The following AANAT variants were observed in gnomAD, a reference collection of about 807,000 sequenced individuals.
AANAT encodes aralkylamine N-acetyltransferase.
Under a neutral mutation model 15.6 loss-of-function variants are expected in AANAT, and 11 were observed. That is an observed-to-expected ratio of 0.71 (90% CI 0.44 to 1.17). AANAT has a LOEUF of 1.17. Among genes scored for constraint, AANAT ranks in the 50% most tolerant of loss-of-function variants. AANAT has a pLI of 0.00. For missense variants in AANAT, 286 were observed against 296.3 expected, an observed-to-expected ratio of 0.97 and a Z score of 0.26; for synonymous variants, 139 against 131.5, an observed-to-expected ratio of 1.06 and a Z score of -0.39.
In AANAT at chr17:76,469,102, C is replaced by T. The variant is rs2143981761; in HGVS notation, c.164-71C>T. 1.9e-6 allele frequency: 3 copies of T among 1,593,782 alleles called. No individual in the cohort carries two copies. Among genetic ancestry groups the T allele is most frequent in the East Asian group, 2.2e-5 (1 of 44,700 alleles). Reference sequence around the variant, plus strand: ...GGGGAACGGGGCATCTGAGTGGACACTCGGGGTGCAGCAGACAGTGGACGC... The same window carrying T: ...GGGGAACGGGGCATCTGAGTGGACATTCGGGGTGCAGCAGACAGTGGACGC... On this transcript the variant is annotated intron_variant, in intron 2 of 3. Transcript: ENST00000392492. The surrounding 1 kb of genome is among the most constrained non-coding windows in gnomAD (Gnocchi z 5.2).
rs115768580 is a variant in AANAT at position 76,462,093 on chromosome 17, G to C, written c.-455-223G>C. Among the ~76,000 whole-genome samples, 1,233 of 152,200 alleles carry C rather than the reference G, an allele frequency of 8.1e-3. 20 individuals carry two copies. The highest frequency in any genetic ancestry group is 0.029 in the African/African-American group (1,188 of 41,510). ...AGTATATACTGCACCTCCTCTTCTTGCACTGGGCCAGTAACTAGGGCTAAA... is the reference window on the plus strand; with the variant it reads ...AGTATATACTGCACCTCCTCTTCTTCCACTGGGCCAGTAACTAGGGCTAAA... On this transcript the variant is annotated intron_variant, in intron 2 of 6. Transcript: ENST00000250615.
chr17:76,461,256 C>A (rs970605756), intron 2 of AANAT, among the ~76,000 whole-genome samples: 1 of 152,064 alleles, frequency 6.6e-6, no homozygotes, highest in Non-Finnish European at 1.5e-5. Flanking sequence ...GCCACATTCT[C>A]AACCCAGCCT....
chr17:76,458,274 A>G (rs2073357537), intron 1 of AANAT, among the ~76,000 whole-genome samples: 1 of 151,894 alleles, frequency 6.6e-6, no homozygotes, highest in African/African-American at 2.4e-5. Context: ...TCTTTTATGG[A>G]CCTCACTCAG....
In AANAT at chr17:76,469,658, C is replaced by T; in HGVS notation, c.319-7C>T. ...GACCTGGGATCTCATCCCTTGCTCG[C>T]TCCCAGGAGTCACTGACGCTGCACA... On this transcript the variant is annotated splice_polypyrimidine_tract_variant and splice_region_variant and intron_variant, in intron 3 of 3. Coordinates refer to ENST00000392492, the MANE Select transcript of AANAT (RefSeq NM_001088.3). This position sits in a 1 kb window ranked among gnomAD's most constrained non-coding sequence, Gnocchi z 5.2. 1 of 1,474,986 alleles carries T rather than the reference C, an allele frequency of 6.8e-7. No homozygotes were observed. The highest frequency in any genetic ancestry group is 9.0e-7 in the Non-Finnish European group (1 of 1,114,750). 91.4% of individuals were successfully genotyped at this position (1,474,986 alleles called of 1,614,324 possible).
upstream of AANAT, chr17:76,466,305 C>G (rs934909610): frequency 1.7e-5 from 21 of 1,249,880 alleles, no homozygotes; most frequent in Non-Finnish European, 2.0e-5. Flanking sequence ...CTGGTCGGTC[C>G]TGAGAGGTCT....
chr17:76,459,564 C>G (rs2073368122), intron 2 of AANAT, among the ~76,000 whole-genome samples: 1 of 152,092 alleles, frequency 6.6e-6, no homozygotes. Flanking sequence ...CCAGAGCTGC[C>G]CCACCAGGGG....
At position 76,469,235 on chromosome 17, in the gene AANAT, CT is replaced by C. The variant is rs2073482460; in HGVS notation, c.227del (p.Leu76HisfsTer34). On this transcript the variant is annotated frameshift_variant, in exon 3 of 4. Coordinates refer to ENST00000392492, the MANE Select transcript of AANAT (RefSeq NM_001088.3). LOFTEE classifies it high-confidence loss of function. This position sits in a 1 kb window ranked among gnomAD's most constrained non-coding sequence, Gnocchi z 5.2. ...GGATGAGATCCGGCACTTCCTGACC[CT>C]ATGTCCAGAGCTGTCCCTGGGCTGG... is the stretch of plus-strand genomic sequence containing the variant. ...YLDEIRHFLT[L>X]CPELSLGWFE... 1 of 1,614,074 alleles carries C rather than the reference CT, an allele frequency of 6.2e-7. No individual in the cohort carries two copies. The highest frequency in any genetic ancestry group is 1.1e-5 in the South Asian group (1 of 91,092).
chr17:76,469,063 C>T lies in AANAT; in HGVS notation c.164-110C>T, dbSNP rs532004682. The T allele has an allele frequency of 6.5e-7, 1 of 1,532,162 alleles. No homozygotes were observed. Among genetic ancestry groups the T allele is most frequent in the Non-Finnish European group, 8.9e-7 (1 of 1,123,470 alleles). The allele number at this position is 1,532,162 out of a possible 1,614,324, so 94.9% of individuals were successfully genotyped here. On this transcript the variant is annotated intron_variant, in intron 2 of 3. Coordinates refer to ENST00000392492, the MANE Select transcript of AANAT (RefSeq NM_001088.3). The surrounding 1 kb of genome is among the most constrained non-coding windows in gnomAD (Gnocchi z 5.2). ...AAGTGGGGGAAACAGCAGCCCTAACCCCCATTTTCCTGTGGGGAACGGGGC... is the reference window on the plus strand; with the variant it reads ...AAGTGGGGGAAACAGCAGCCCTAACTCCCATTTTCCTGTGGGGAACGGGGC...
chr17:76,468,607 A>G (rs781733795), intron 1 of AANAT, 65 bp from the exon 2 acceptor site: 5 of 1,409,752 alleles, frequency 3.5e-6, no homozygotes, highest in African/African-American at 2.9e-5. Flanking sequence ...GGCCAGATAC[A>G]TACTCTGGGG....
chr17:76,466,155 T>G (rs1463700793), upstream of AANAT: 5 of 1,536,412 alleles, frequency 3.3e-6, no homozygotes, highest in Non-Finnish European at 4.4e-6. Flanking sequence ...TGATTAGGAT[T>G]GGCCACCAGG....
rs916696896 is a variant in AANAT, at chr17:76,469,708, T to C, written c.362T>C (p.Leu121Pro). The C allele has an allele frequency of 1.3e-6, 2 of 1,535,890 alleles. No homozygotes were observed. Among genetic ancestry groups the C allele is most frequent in the African/African-American group, 2.7e-5 (2 of 73,278 alleles). Residue 121 changes from leucine to proline, a missense_variant, in exon 4 of 4, where the codon CTG becomes CCG. Coordinates refer to ENST00000392492, the MANE Select transcript of AANAT (RefSeq NM_001088.3). The surrounding 1 kb of genome is among the most constrained non-coding windows in gnomAD (Gnocchi z 5.2). ...AGGTCTGGGGGCCACATAGCCCACC[T>C]GCATGTGCTGGCCGTGCACCGCGCC... ...LHRSGGHIAH[L>P]HVLAVHRAFR... is the part of the protein sequence containing the mutation.
chr17:76,464,255 T>C (rs2073416622), upstream of AANAT, among the ~76,000 whole-genome samples: 1 of 151,738 alleles, frequency 6.6e-6, no homozygotes, highest in African/African-American at 2.4e-5. Flanking sequence ...GGCAGGAGAA[T>C]TGCTTGAACC....
chr17:76,465,978 G>C, upstream of AANAT: 1 of 592,744 alleles, frequency 1.7e-6, no homozygotes, highest in East Asian at 3.1e-5. Context: ...GTCTCCCAAA[G>C]TGCTGGGATT....
In AANAT at chr17:76,460,932, A is replaced by AG. The variant is rs574631692; in HGVS notation, c.-455-1378dup. 5.3e-5 allele frequency among the ~76,000 whole-genome samples: 8 copies of AG among 152,188 alleles called. No homozygotes were observed. The South Asian group carries it at 1.5e-3, about 28-fold the overall frequency. ...ATAATCCCAGCAATTTGGGAGGCTG[A>AG]GGGGGGCAGATTGTTTGAGGTCAGG... On this transcript the variant is annotated intron_variant, in intron 2 of 6. Coordinates refer to the AANAT transcript ENST00000250615.
At chr17:76,468,305 C>T (rs758871678) in intron 1 of AANAT, among the ~76,000 whole-genome samples, 1 of 152,142 alleles carries the variant, frequency 6.6e-6, no homozygotes, top group Non-Finnish European at 1.5e-5. Context: ...GTCACGAGTC[C>T]TGCCTCCCCT....
At chr17:76,465,897 G>A (rs975619322), upstream of AANAT, 7 of 412,670 alleles carry the variant, frequency 1.7e-5, no homozygotes, top group Non-Finnish European at 2.7e-5. Context: ...TCGCTCTGTC[G>A]CCCAGGCTGG....
upstream of AANAT, chr17:76,466,072 C>G (rs1296396889): frequency 9.7e-7 from 1 of 1,033,174 alleles, no homozygotes; most frequent in Non-Finnish European, 1.4e-6. Context: ...CCGGAAAGAA[C>G]AGGGCCATGT....
chr17:76,463,208 C>T (rs757821869), upstream of AANAT, among the ~76,000 whole-genome samples: 1 of 152,042 alleles, frequency 6.6e-6, no homozygotes, highest in Non-Finnish European at 1.5e-5. Context: ...AGTCAGTGTG[C>T]CTTTAATCAA....
At chr17:76,462,026 C>A (rs1489392437) in intron 2 of AANAT, among the ~76,000 whole-genome samples, 1 of 152,158 alleles carries the variant, frequency 6.6e-6, no homozygotes. Context: ...GGGGACAATG[C>A]CTCTTCCTTA....
Sources: allele counts gnomAD v4.1 joint callset (sites outside exome capture counted in the v4.1 genomes callset), GRCh38; gene constraint gnomAD v4.1.1; non-coding constraint Gnocchi (gnomAD v3.1); transcripts MANE v1.5; gene names NCBI Gene and HGNC (gene_info 2026-07-23, HGNC 2026-07-21).